DYNC2I2: variants seen among roughly 807,000 people sequenced by gnomAD.
DYNC2I2 encodes the protein cytoplasmic dynein 2 intermediate chain 2.
In DYNC2I2, 39 loss-of-function variants were observed where a neutral mutation model predicts 52.0. The observed-to-expected ratio is 0.75, with a 90% CI of 0.58 to 0.98. The LOEUF is 0.98. DYNC2I2 is among the 50% of genes least tolerant of loss of function. The pLI, the probability that DYNC2I2 is intolerant of heterozygous loss-of-function variation, is 0.00. For missense variants in DYNC2I2, 743 were observed against 728.4 expected (o/e 1.02, Z -0.23); for synonymous variants, 359 against 321.1 (o/e 1.12, Z -1.26).
upstream of DYNC2I2, among the ~76,000 whole-genome samples, chr9:128,660,353 G>A (rs1860904399): frequency 6.6e-6 from 1 of 151,536 alleles, no homozygotes; most frequent in Non-Finnish European, 1.5e-5. Context: ...CTTGTGATCT[G>A]CCCACCTCGG....
chr9:128,648,631 C>CAAAAA (rs71381783), intron 1 of DYNC2I2, among the ~76,000 whole-genome samples: 1 of 121,332 alleles, frequency 8.2e-6, no homozygotes. Flanking sequence ...ACTAAAAATA[C>CAAAAA]AAAAAAAAAA....
chr9:128,679,894 A>G, the DYNC2I2 span, among the ~76,000 whole-genome samples: 10 of 152,080 alleles, frequency 6.6e-5, no homozygotes, highest in African/African-American at 1.4e-4. Flanking sequence ...TGGCAAACCT[A>G]AGATTCATGA....
At chr9:128,668,996 C>T in the DYNC2I2 span, among the ~76,000 whole-genome samples, 2 of 151,458 alleles carry the variant, frequency 1.3e-5, no homozygotes, top group Non-Finnish European at 1.5e-5. Context: ...TTTGAGAGAC[C>T]GAGGCCGGTG....
the DYNC2I2 span, among the ~76,000 whole-genome samples, chr9:128,667,958 C>CT: frequency 1.4e-3 from 74 of 52,882 alleles, 3 homozygotes; most frequent in African/African-American, 3.7e-3. Context: ...GTCTCGATCT[C>CT]TTTTTTTTTT....
At chr9:128,647,408 C>T (rs549961357) in intron 1 of DYNC2I2, among the ~76,000 whole-genome samples, 3 of 152,214 alleles carry the variant, frequency 2.0e-5, no homozygotes, top group South Asian at 2.1e-4. Flanking sequence ...GTGTCAAGGA[C>T]GCTAGGCCCA....
rs1860712285 is a variant in DYNC2I2 at position 128,651,462 on chromosome 9, G to A, written c.186+5079C>T. On this transcript the variant is annotated intron_variant, in intron 1 of 8. Transcript: ENST00000372715. ...CAGGAGAATCGCTTAAACCCGGGAGGCAGAGGTCGCAGTGAGCCAAGATCG... is the reference window on the plus strand; with the variant it reads ...CAGGAGAATCGCTTAAACCCGGGAGACAGAGGTCGCAGTGAGCCAAGATCG... 2 of 55,738 alleles carry A rather than the reference G, an allele frequency of 3.6e-5. 1 individual carries two copies. Among genetic ancestry groups the A allele is most frequent in the South Asian group, 1.2e-3 (2 of 1,626 alleles). 3.5% of individuals were successfully genotyped at this position (55,738 alleles called of 1,614,324 possible).
chr9:128,679,237 C>T, the DYNC2I2 span, among the ~76,000 whole-genome samples: 3 of 152,190 alleles, frequency 2.0e-5, no homozygotes, highest in Admixed American at 6.6e-5. Flanking sequence ...TTAGGCAAAT[C>T]CCTTCTGTCA....
chr9:128,644,257 G>A (rs906231345), intron 1 of DYNC2I2, among the ~76,000 whole-genome samples: 22 of 144,906 alleles, frequency 1.5e-4, no homozygotes, highest in Non-Finnish European at 2.7e-4. Flanking sequence ...AAAGGTGATC[G>A]ACTTGAACCC....
At chr9:128,653,121 C>T (rs1475237753) in intron 1 of DYNC2I2, among the ~76,000 whole-genome samples, 1 of 149,762 alleles carries the variant, frequency 6.7e-6, no homozygotes, top group Non-Finnish European at 1.5e-5. Flanking sequence ...CCCAGCTACT[C>T]AGGAAGCTGA....
chr9:128,678,304 G>T, the DYNC2I2 span, among the ~76,000 whole-genome samples: 1 of 151,686 alleles, frequency 6.6e-6, no homozygotes, highest in African/African-American at 2.4e-5. Context: ...CTGACCTCAG[G>T]TGATCTGCCC....
At chr9:128,655,522 A>G (rs1270313784) in intron 1 of DYNC2I2, among the ~76,000 whole-genome samples, 2 of 149,320 alleles carry the variant, frequency 1.3e-5, no homozygotes, top group Admixed American at 1.3e-4. Flanking sequence ...AAAAAAAAAA[A>G]AAAGAGAAAG....
the DYNC2I2 span, among the ~76,000 whole-genome samples, chr9:128,678,370 A>AT: frequency 4.4e-5 from 6 of 136,710 alleles, no homozygotes; most frequent in Non-Finnish European, 6.3e-5. Context: ...GCCCAGCCTA[A>AT]TTTTTTTTTT....
At chr9:128,650,085 T>A (rs1450895834) in intron 1 of DYNC2I2, among the ~76,000 whole-genome samples, 4 of 57,278 alleles carry the variant, frequency 7.0e-5, no homozygotes, top group African/African-American at 1.4e-4. Context: ...TTGCTAAGCA[T>A]TAGAATCATT....
the DYNC2I2 span, among the ~76,000 whole-genome samples, chr9:128,680,414 G>A: frequency 4.6e-5 from 7 of 151,444 alleles, no homozygotes; most frequent in African/African-American, 1.5e-4. Context: ...GTCTTGCTCT[G>A]TCGCCCAGGC....
the DYNC2I2 span, among the ~76,000 whole-genome samples, chr9:128,667,508 T>G: frequency 6.8e-6 from 1 of 147,350 alleles, no homozygotes; most frequent in African/African-American, 2.5e-5. Flanking sequence ...GTATTTCTAG[T>G]AGAGATGGGG....
the DYNC2I2 span, among the ~76,000 whole-genome samples, chr9:128,680,388 AT>A: frequency 7.4e-6 from 1 of 134,948 alleles, no homozygotes; most frequent in African/African-American, 2.8e-5. Flanking sequence ...TTATTATTAT[AT>A]TTTTTTGAGA....
chr9:128,640,646 G>A, intron 2 of DYNC2I2, 45 bp downstream of exon 2: 1 of 1,584,650 alleles, frequency 6.3e-7, no homozygotes, highest in Non-Finnish European at 8.6e-7. Flanking sequence ...GGAGACAGAA[G>A]TGGGGCAGGG....
intron 1 of DYNC2I2, among the ~76,000 whole-genome samples, chr9:128,655,974 G>A (rs1860814572): frequency 6.7e-6 from 1 of 149,534 alleles, no homozygotes; most frequent in Non-Finnish European, 1.5e-5. Flanking sequence ...TTGGGAGGCC[G>A]AGGAAGGAGG....
chr9:128,661,497 TATCTC>T (rs1336222931), upstream of DYNC2I2, among the ~76,000 whole-genome samples: 1 of 151,576 alleles, frequency 6.6e-6, no homozygotes, highest in Non-Finnish European at 1.5e-5. Context: ...GGGTGCCTGT[TATCTC>T]AGCTACTCGT....
Sources: allele counts gnomAD v4.1 joint callset (sites outside exome capture counted in the v4.1 genomes callset), GRCh38; gene constraint gnomAD v4.1.1; transcripts MANE v1.5; gene names NCBI Gene and HGNC (gene_info 2026-07-23, HGNC 2026-07-21).